Variants in CRYBB3 observed in about 807,000 individuals in gnomAD.
CRYBB3 encodes crystallin beta B3.
A neutral mutation model predicts 28.3 loss-of-function variants in CRYBB3; 35 were observed. The observed-to-expected ratio is 1.24, with a 90% CI of 0.95 to 1.64. The LOEUF (loss-of-function observed/expected upper bound fraction) is 1.64. Among genes scored for constraint, CRYBB3 ranks in the 40% most tolerant of loss-of-function variants. CRYBB3 has a pLI of 0.00. For missense variants in CRYBB3, 296 were observed against 297.4 expected (o/e 1.00, Z 0.04); for synonymous variants, 106 against 110.4 (o/e 0.96, Z 0.25).
chr22:25,202,736 C>T lies in CRYBB3; in HGVS notation c.138C>T (p.Pro46=), dbSNP rs1934969684. 1.9e-6 allele frequency: 3 copies of T among 1,614,100 alleles called. No homozygotes were observed. The highest frequency in any genetic ancestry group is 2.5e-6 in the Non-Finnish European group (3 of 1,180,022). ...GCTGCGAGCTCTCGGCCGAGTGCCC[C>T]AGCCTGACCGACAGCCTGCTGGAGA... is the stretch of plus-strand genomic sequence containing the variant. ...GKRCELSAEC[P]SLTDSLLEKV... Residue 46 remains proline, a synonymous_variant, in exon 3 of 6, where the codon CCC becomes CCT. Transcript: ENST00000215855.
intron 2 of CRYBB3, 109 bp from the exon 3 acceptor site, chr22:25,202,565 G>A (rs915438306): frequency 3.6e-5 from 57 of 1,590,526 alleles, no homozygotes; most frequent in Non-Finnish European, 3.4e-5. Flanking sequence ...GCTCCAGGCT[G>A]GAGAGATGCA....
intron 3 of CRYBB3, among the ~76,000 whole-genome samples, chr22:25,203,116 G>A (rs538228837): frequency 3.2e-4 from 48 of 152,224 alleles, no homozygotes; most frequent in African/African-American, 1.0e-3. Flanking sequence ...TCATTGAATC[G>A]TCATGACCCT....
chr22:25,205,362 C>T lies in CRYBB3; in HGVS notation c.470C>T (p.Thr157Met), dbSNP rs375467933. Residue 157 changes from threonine to methionine, a missense_variant and splice_region_variant, in exon 5 of 6, where the codon ACG becomes ATG. Physicochemically the swap from Thr to Met is moderately conservative, Grantham distance 81. Transcript: ENST00000215855. ...RVASVRAING[T>M]WVGYEFPGYR... is the part of the protein sequence containing the mutation. The stretch of plus-strand genomic sequence containing the variant: ...GCGAGTGTCCGTGCCATCAACGGGA[C>T]GTAAGGGACCCAACCCTCACCCTTG... The T allele has an allele frequency of 1.4e-4, 223 of 1,613,834 alleles. 1 individual carries two copies. The highest frequency in any genetic ancestry group is 1.0e-3 in the South Asian group (95 of 91,040).
intron 1 of CRYBB3, among the ~76,000 whole-genome samples, chr22:25,200,260 C>G (rs60507348): frequency 3.3e-5 from 5 of 152,102 alleles, no homozygotes; most frequent in Admixed American, 1.3e-4. Flanking sequence ...CTAGGAGAGA[C>G]AGAACCGACA....
chr22:25,206,075 G>C (rs1217467215), intron 5 of CRYBB3, among the ~76,000 whole-genome samples: 2 of 152,166 alleles, frequency 1.3e-5, no homozygotes, highest in African/African-American at 4.8e-5. Context: ...TGCAGTCTTA[G>C]GATCACCTGC....
At chr22:25,203,700 C>G (rs972597491) in intron 3 of CRYBB3, 63 bp from the exon 4 acceptor site, 13 of 1,604,622 alleles carry the variant, frequency 8.1e-6, no homozygotes, top group Non-Finnish European at 1.0e-5. Flanking sequence ...ACTTCTCTCA[C>G]TAAACTTGAA....
chr22:25,202,916 T>G, intron 3 of CRYBB3, 124 bp downstream of exon 3: 1 of 1,515,188 alleles, frequency 6.6e-7, no homozygotes, highest in South Asian at 1.2e-5. Flanking sequence ...TCTGGCCTCG[T>G]TTTCCGCATC....
rs147831812 is a variant in CRYBB3 at position 25,201,434 on chromosome 22, C to G, written c.38C>G (p.Ala13Gly). The G allele has an allele frequency of 5.8e-3, 9,294 of 1,613,456 alleles. 42 individuals are homozygous for G. The highest frequency in any genetic ancestry group is 6.7e-3 in the Non-Finnish European group (7,950 of 1,179,610). ...EQHGAPEQAAAGKSHGDLGGS... is the reference protein window; with the variant it reads ...EQHGAPEQAAGGKSHGDLGGS... ...CACGGAGCACCCGAACAGGCTGCAGCTGGCAAGAGCCATGGAGACCTTGGG... is the reference window on the plus strand; with the variant it reads ...CACGGAGCACCCGAACAGGCTGCAGGTGGCAAGAGCCATGGAGACCTTGGG... Residue 13 changes from alanine to glycine, a missense_variant, in exon 2 of 6, where the codon GCT becomes GGT. Ala to Gly is a moderately conservative substitution (Grantham distance 60). Coordinates refer to ENST00000215855, the MANE Select transcript of CRYBB3 (RefSeq NM_004076.5).
chr22:25,203,789 T>G lies in CRYBB3; in HGVS notation c.221T>G (p.Phe74Cys). ...GPWLAFESRA[F>C]RGEQFVLEKG... is the part of the protein sequence containing the mutation. Reference sequence around the variant, plus strand: ...TGGCTGGCATTTGAGTCCAGGGCCTTCCGCGGGGAGCAGTTTGTTCTGGAG... The same window carrying G: ...TGGCTGGCATTTGAGTCCAGGGCCTGCCGCGGGGAGCAGTTTGTTCTGGAG... The change falls in exon 4 of 6, where the codon TTC becomes TGC. Residue 74 changes from phenylalanine (F) to cysteine (C), a missense_variant. Coordinates refer to ENST00000215855, the MANE Select transcript of CRYBB3 (RefSeq NM_004076.5). The G allele has an allele frequency of 1.2e-6, 2 of 1,614,188 alleles. No individual in the cohort carries two copies. The highest frequency in any genetic ancestry group is 1.7e-6 in the Non-Finnish European group (2 of 1,180,024).
At chr22:25,205,389 C>G (rs758892774) in intron 5 of CRYBB3, 27 bp downstream of exon 5, 2 of 1,613,342 alleles carry the variant, frequency 1.2e-6, no homozygotes, top group South Asian at 2.2e-5. Flanking sequence ...TCACCCTTGC[C>G]CCATCTTCTG....
intron 5 of CRYBB3, among the ~76,000 whole-genome samples, 187 bp downstream of exon 5, chr22:25,205,549 T>A (rs1483037270): frequency 1.3e-5 from 2 of 152,178 alleles, no homozygotes; most frequent in Admixed American, 1.3e-4. Flanking sequence ...AAGCTCCGCC[T>A]CCCGGGTTCA....
At chr22:25,203,525 C>G (rs1934982108) in intron 3 of CRYBB3, among the ~76,000 whole-genome samples, 1 of 152,150 alleles carries the variant, frequency 6.6e-6, no homozygotes. Context: ...TTCTGGGTAC[C>G]TTGCACAGAG....
chr22:25,201,956 A>G (rs767241101), intron 2 of CRYBB3, among the ~76,000 whole-genome samples: 7 of 152,188 alleles, frequency 4.6e-5, no homozygotes, highest in Non-Finnish European at 7.3e-5. Flanking sequence ...AATCTGAGAG[A>G]AGGTTTGAAT....
chr22:25,205,297 C>T lies in CRYBB3; in HGVS notation c.405C>T (p.Asp135=), dbSNP rs750508887. Residue 135 remains aspartate, a synonymous_variant, in exon 5 of 6, where the codon GAC becomes GAT. Transcript: ENST00000215855. ...SGRKMEIVDD[D]VPSLWAHGFQ... ...GCAAGATGGAGATAGTGGATGATGACGTGCCCAGCCTGTGGGCTCATGGCT... is the reference window on the plus strand; with the variant it reads ...GCAAGATGGAGATAGTGGATGATGATGTGCCCAGCCTGTGGGCTCATGGCT... 8.1e-6 allele frequency: 13 copies of T among 1,613,986 alleles called. No homozygotes were observed. The highest frequency in any genetic ancestry group is 5.3e-5 in the African/African-American group (4 of 74,918).
Position 25,207,136 on chromosome 22 carries a change from G to A in CRYBB3, c.560G>A (p.Ser187Asn). Residue 187 changes from serine to asparagine, a missense_variant, in exon 6 of 6, where the codon AGC (serine) becomes AAC (asparagine). By Grantham distance (46) the Ser-to-Asn change is conservative. Coordinates refer to ENST00000215855, the MANE Select transcript of CRYBB3 (RefSeq NM_004076.5). ...EYRHWNEWDA[S>N]QPQLQSVRRI... ...CGCCACTGGAATGAGTGGGACGCCA[G>A]CCAGCCGCAGCTGCAGTCTGTGCGC... 1 of 1,613,332 alleles carries A rather than the reference G, an allele frequency of 6.2e-7. No homozygotes were observed. The highest frequency in any genetic ancestry group is 8.5e-7 in the Non-Finnish European group (1 of 1,179,972).
At chr22:25,206,719 G>T (rs1935041582) in intron 5 of CRYBB3, among the ~76,000 whole-genome samples, 1 of 152,014 alleles carries the variant, frequency 6.6e-6, no homozygotes, top group Admixed American at 6.6e-5. Flanking sequence ...ATGGATGCAA[G>T]TGGAAAAAAG....
chr22:25,205,505 G>A (rs1244283174), intron 5 of CRYBB3, 143 bp downstream of exon 5: 5 of 1,061,088 alleles, frequency 4.7e-6, no homozygotes, highest in Non-Finnish European at 3.7e-6. Flanking sequence ...TGTCGCCCAG[G>A]CTGGAGTGCA....
chr22:25,205,498 C>T lies in CRYBB3; in HGVS notation c.470+136C>T, dbSNP rs113538872. ...TTTTTGAGACGGAGTCTTGCTCTGT[C>T]GCCCAGGCTGGAGTGCAGTGGCGCG... On this transcript the variant is annotated intron_variant, in intron 5 of 5. Coordinates refer to ENST00000215855, the MANE Select transcript of CRYBB3 (RefSeq NM_004076.5). The T allele has an allele frequency of 0.027, 30,073 of 1,116,656 alleles. 698 individuals are homozygous for T. The highest frequency in any genetic ancestry group is 0.096 in the East Asian group (2,542 of 26,414). 69.2% of individuals were successfully genotyped at this position (1,116,656 alleles called of 1,614,324 possible). A position where few individuals can be genotyped will look rare whatever the true frequency, so the allele number is the denominator to read the frequency against.
At chr22:25,205,556 T>C (rs966600679) in intron 5 of CRYBB3, among the ~76,000 whole-genome samples, 194 bp downstream of exon 5, 4 of 152,000 alleles carry the variant, frequency 2.6e-5, no homozygotes, top group Admixed American at 1.3e-4. Flanking sequence ...GCCTCCCGGG[T>C]TCATGCCATT....
Sources: gnomAD v4.1 joint callset for allele counts (sites outside exome capture counted in the v4.1 genomes callset) on GRCh38, gnomAD v4.1.1 for gene constraint, MANE v1.5 for transcripts, NCBI Gene and HGNC (gene_info 2026-07-23, HGNC 2026-07-21) for gene names.